Variants in VOPP1 observed in about 807,000 individuals in gnomAD.
VOPP1 encodes the protein VOPP1 WW domain binding protein.
In VOPP1, 8 loss-of-function variants were observed where a neutral mutation model predicts 23.5. The ratio of observed to expected loss-of-function variants is 0.34; its 90% confidence interval spans 0.20 to 0.61. The LOEUF is 0.61. VOPP1 is among the 20% of genes least tolerant of loss of function. The pLI is 0.78. For synonymous variants in VOPP1, 83 were observed against 97.3 expected (o/e 0.85, Z 0.86); for missense variants, 174 against 238.1 (o/e 0.73, Z 1.77).
In VOPP1 at chr7:55,494,274, G is replaced by A. The variant is rs113090629; in HGVS notation, c.192-1856C>T. Among the ~76,000 whole-genome samples, 826 of 152,304 alleles carry A rather than the reference G, an allele frequency of 5.4e-3. 11 individuals are homozygous for A. Among genetic ancestry groups the A allele is most frequent in the African/African-American group, 0.019 (770 of 41,568 alleles). The stretch of plus-strand genomic sequence containing the variant: ...CAGTGACAGTCTTACACTCAGCACT[G>A]AGTCCTGCTGTTAGTATCTGGGTAG... On this transcript the variant is annotated intron_variant, in intron 3 of 4. Coordinates refer to ENST00000285279, the MANE Select transcript of VOPP1 (RefSeq NM_030796.5).
In VOPP1 at chr7:55,440,836, T is replaced by A. The variant is rs552784736; in HGVS notation, n.418-4662A>T. Among the ~76,000 whole-genome samples, 15 of 152,302 alleles carry A rather than the reference T, an allele frequency of 9.8e-5. No individual in the cohort carries two copies. The East Asian group carries it at 2.7e-3, about 27-fold the overall frequency. On this transcript the variant is annotated intron_variant and non_coding_transcript_variant, in intron 4 of 4. Coordinates refer to the VOPP1 transcript ENST00000462326. The stretch of plus-strand genomic sequence containing the variant: ...CATCTCAGTACTTTTCCTGGGACTC[T>A]TCCTGAGCCGTACTGAGTATACGCC...
rs1226514501 is a variant in VOPP1, at chr7:55,471,355, TC to T, written c.*1499del. The T allele has an allele frequency of 6.6e-6, 1 of 151,742 alleles. No individual in the cohort carries two copies. Among genetic ancestry groups the T allele is most frequent in the Non-Finnish European group, 1.5e-5 (1 of 67,944 alleles). The allele number at this position is 151,742 out of a possible 1,614,324, so 9.4% of individuals were successfully genotyped here. Reference sequence around the variant, plus strand: ...TCCCACAAAATTCCCCAGGAGGTTCTCCGATTAAATGTCCTCAGAGTGAAAA... The same window carrying T: ...TCCCACAAAATTCCCCAGGAGGTTCTCGATTAAATGTCCTCAGAGTGAAAA... On this transcript the variant is annotated 3_prime_UTR_variant, in exon 5 of 5. Transcript: ENST00000285279.
At chr7:55,491,106 A>C (rs1482485625) in intron 4 of VOPP1, among the ~76,000 whole-genome samples, 1 of 152,190 alleles carries the variant, frequency 6.6e-6, no homozygotes, top group Non-Finnish European at 1.5e-5. Context: ...AAGACCTACA[A>C]CCTGATGAGT....
intron 4 of VOPP1, among the ~76,000 whole-genome samples, chr7:55,491,855 A>G (rs1793593125): frequency 6.6e-6 from 1 of 152,238 alleles, no homozygotes; most frequent in African/African-American, 2.4e-5. Context: ...AAACATGAGA[A>G]AACAAAACAA....
At position 55,521,764 on chromosome 7, in the gene VOPP1, G is replaced by A. The variant is rs963532633; in HGVS notation, c.55-634C>T. 3.1e-6 allele frequency: 3 copies of A among 970,308 alleles called. No homozygotes were observed. In the African/African-American group the frequency reaches 5.3e-5, roughly 17 times the overall value. The allele number at this position is 970,308 out of a possible 1,614,324, so 60.1% of individuals were successfully genotyped here. A position where few individuals can be genotyped will look rare whatever the true frequency, so the allele number is the denominator to read the frequency against. On this transcript the variant is annotated intron_variant, in intron 1 of 4. Coordinates refer to ENST00000285279, the MANE Select transcript of VOPP1 (RefSeq NM_030796.5). ...CAGGGCAGGGCAGGGCAGGGTGGGT[G>A]AGTGCACACAGGCATCGGAGCAGGG...
intron 4 of VOPP1, among the ~76,000 whole-genome samples, chr7:55,483,566 C>T (rs1369861883): frequency 1.3e-5 from 2 of 152,128 alleles, no homozygotes; most frequent in Admixed American, 1.3e-4. Context: ...AGCTCTCTCT[C>T]GGGTTCCTTT....
downstream of VOPP1, among the ~76,000 whole-genome samples, chr7:55,435,757 T>C (rs1290620881): frequency 1.3e-5 from 2 of 152,248 alleles, no homozygotes. Context: ...CAAATCTGAC[T>C]GTTCCCAGCT....
At chr7:55,467,118 C>G (rs140845541), downstream of VOPP1, among the ~76,000 whole-genome samples, 1 of 152,194 alleles carries the variant, frequency 6.6e-6, no homozygotes. Context: ...GCTGATCAGA[C>G]AGGAGACAGA....
At chr7:55,512,424 A>C (rs572020871) in intron 2 of VOPP1, among the ~76,000 whole-genome samples, 1 of 149,284 alleles carries the variant, frequency 6.7e-6, no homozygotes, top group Non-Finnish European at 1.5e-5. Context: ...ATTCCGTTTC[A>C]AAAAAAAAAG....
chr7:55,537,880 C>A (rs1796895699), intron 1 of VOPP1, among the ~76,000 whole-genome samples: 1 of 152,224 alleles, frequency 6.6e-6, no homozygotes, highest in Non-Finnish European at 1.5e-5. Flanking sequence ...CTCCCCCAAA[C>A]CACTTACTAA....
chr7:55,558,063 A>G (rs994707495), intron 1 of VOPP1, among the ~76,000 whole-genome samples: 1 of 152,142 alleles, frequency 6.6e-6, no homozygotes, highest in Non-Finnish European at 1.5e-5. Context: ...GGTTGGGAGG[A>G]GGGGAAATTA....
intron 1 of VOPP1, among the ~76,000 whole-genome samples, chr7:55,545,486 G>A (rs1273385021): frequency 6.6e-6 from 1 of 152,208 alleles, no homozygotes; most frequent in Non-Finnish European, 1.5e-5. Flanking sequence ...GCAGCCAGGA[G>A]GGAAGAAGCC....
intron 1 of VOPP1, among the ~76,000 whole-genome samples, chr7:55,526,579 G>A (rs1304432152): frequency 6.6e-6 from 1 of 152,222 alleles, no homozygotes; most frequent in Non-Finnish European, 1.5e-5. Context: ...ACATGAGGGA[G>A]TGGACAGCAG....
chr7:55,519,544 T>G (rs76380454), intron 2 of VOPP1, among the ~76,000 whole-genome samples: 2 of 148,330 alleles, frequency 1.3e-5, no homozygotes, highest in African/African-American at 5.3e-5. Flanking sequence ...AAATTCATTA[T>G]GCTGAGAAGA....
intron 4 of VOPP1, among the ~76,000 whole-genome samples, chr7:55,459,073 GT>G (rs35220932): frequency 1.4e-4 from 21 of 151,340 alleles, no homozygotes; most frequent in African/African-American, 4.1e-4. Context: ...TTTGTTGAGA[GT>G]TTTTTTTTAT....
At chr7:55,536,569 T>C (rs561911453) in intron 1 of VOPP1, among the ~76,000 whole-genome samples, 7 of 152,226 alleles carry the variant, frequency 4.6e-5, no homozygotes, top group East Asian at 1.9e-4. Flanking sequence ...ACCATGAGGA[T>C]AGAGAACTTA....
chr7:55,444,588 A>G (rs1171790014), intron 4 of VOPP1, among the ~76,000 whole-genome samples: 1 of 152,212 alleles, frequency 6.6e-6, no homozygotes, highest in Non-Finnish European at 1.5e-5. Context: ...GAAACTGGAT[A>G]CAGGACTCAT....
chr7:55,534,218 A>G (rs958470701), intron 1 of VOPP1, among the ~76,000 whole-genome samples: 1 of 151,678 alleles, frequency 6.6e-6, no homozygotes, highest in Non-Finnish European at 1.5e-5. Flanking sequence ...AAATTTCTAC[A>G]GACACTTAAT....
chr7:55,463,523 T>C (rs1476374688), intron 4 of VOPP1, among the ~76,000 whole-genome samples: 2 of 152,184 alleles, frequency 1.3e-5, no homozygotes, highest in African/African-American at 4.8e-5. Flanking sequence ...TTAGTTTCCA[T>C]ATTTCTTCAG....
Sources: gnomAD v4.1 joint callset for allele counts (sites outside exome capture counted in the v4.1 genomes callset) on GRCh38, gnomAD v4.1.1 for gene constraint, MANE v1.5 for transcripts, NCBI Gene and HGNC (gene_info 2026-07-23, HGNC 2026-07-21) for gene names.